Variants in TACC2 observed in about 807,000 individuals in gnomAD.
TACC2 encodes transforming acidic coiled-coil containing protein 2.
Under a neutral mutation model 227.3 loss-of-function variants are expected in TACC2, and 137 were observed. The ratio of observed to expected loss-of-function variants is 0.60; its 90% CI spans 0.52 to 0.69. The LOEUF is 0.69. Among genes scored for constraint, TACC2 ranks in the 30% least tolerant of loss-of-function variants. The pLI, the probability that TACC2 is intolerant of heterozygous loss-of-function variation, is 0.00. For synonymous variants in TACC2, 1,523 were observed against 1,487.5 expected (o/e 1.02, Z -0.55); for missense variants, 3,470 against 3,694.4 (o/e 0.94, Z 1.57).
chr10:122,172,216 C>T (rs1337019187), intron 7 of TACC2, among the ~76,000 whole-genome samples: 3 of 152,154 alleles, frequency 2.0e-5, no homozygotes, highest in South Asian at 2.1e-4. Context: ...TGTTTTGACT[C>T]GTGGTTACAG....
chr10:122,177,025 G>A (rs1291469540), intron 7 of TACC2, among the ~76,000 whole-genome samples: 1 of 152,154 alleles, frequency 6.6e-6, no homozygotes, highest in African/African-American at 2.4e-5. Context: ...CATCACAGTT[G>A]CCTGGAGCAG....
At chr10:122,056,143 T>C (rs936191099) in intron 3 of TACC2, among the ~76,000 whole-genome samples, 7 of 152,176 alleles carry the variant, frequency 4.6e-5, no homozygotes, top group African/African-American at 1.7e-4. Flanking sequence ...ATGCAGCAGG[T>C]TTGTGGTGAG....
chr10:122,159,406 C>A (rs906055330), intron 7 of TACC2, among the ~76,000 whole-genome samples: 4 of 152,230 alleles, frequency 2.6e-5, no homozygotes, highest in African/African-American at 9.6e-5. Context: ...TCTGTCCCTG[C>A]TCACATGTCC....
chr10:122,163,460 C>A, intron 7 of TACC2: 2 of 596,746 alleles, frequency 3.4e-6, no homozygotes, highest in Non-Finnish European at 4.2e-6. Flanking sequence ...GGGGCCGGGG[C>A]AGAGGGAGGG....
intron 22 of TACC2, among the ~76,000 whole-genome samples, chr10:122,252,705 C>G (rs2141997226): frequency 6.6e-6 from 1 of 152,204 alleles, no homozygotes; most frequent in African/African-American, 2.4e-5. Context: ...GTTGGCCAGG[C>G]TGGTCTTGAA....
intron 1 of TACC2, among the ~76,000 whole-genome samples, chr10:121,992,428 A>C (rs959067760): frequency 1.3e-5 from 2 of 152,244 alleles, no homozygotes; most frequent in Admixed American, 6.5e-5. Context: ...GACTTAAGTT[A>C]TTTGAGTGCA....
At chr10:122,172,861 C>T (rs936182585) in intron 7 of TACC2, among the ~76,000 whole-genome samples, 2 of 152,074 alleles carry the variant, frequency 1.3e-5, no homozygotes, top group African/African-American at 4.8e-5. Context: ...CAGGCTGTCC[C>T]TTTGGCATTC....
chr10:122,098,329 G>A (rs569259830), intron 5 of TACC2, among the ~76,000 whole-genome samples: 2 of 152,306 alleles, frequency 1.3e-5, no homozygotes, highest in African/African-American at 4.8e-5. Flanking sequence ...GCAGGGCATG[G>A]CTCTTGGTTA....
chr10:122,195,200 CA>C lies in TACC2; in HGVS notation c.5971+25del, dbSNP rs573837237. On this transcript the variant is annotated intron_variant, in intron 8 of 22. Coordinates refer to ENST00000369005, the MANE Select transcript of TACC2 (RefSeq NM_206862.4). ...AGGTAACCAAGGGCAGGGAGGCCCC[CA>C]GACAGCCCTGTAGAGTTGTGAGCCC... 144 of 1,595,966 alleles carry C rather than the reference CA, an allele frequency of 9.0e-5. 1 individual carries two copies. In the South Asian group the frequency reaches 1.6e-3, roughly 17 times the overall value.
chr10:122,195,870 G>T (rs2094551129), intron 8 of TACC2, among the ~76,000 whole-genome samples: 1 of 152,202 alleles, frequency 6.6e-6, no homozygotes, highest in Non-Finnish European at 1.5e-5. Flanking sequence ...GGTCCCACAG[G>T]CTGGCCAGGG....
At chr10:122,087,997 C>A in intron 4 of TACC2, 38 bp downstream of exon 4, 1 of 1,489,522 alleles carries the variant, frequency 6.7e-7, no homozygotes, top group South Asian at 1.5e-5. Flanking sequence ...AATGTGTGGT[C>A]AGTTTCAAAG....
At chr10:122,116,871 C>G (rs945467582) in intron 5 of TACC2, among the ~76,000 whole-genome samples, 1 of 151,982 alleles carries the variant, frequency 6.6e-6, no homozygotes, top group Non-Finnish European at 1.5e-5. Context: ...TTTTGTTCAT[C>G]CTACCTTGCT....
At chr10:122,217,951 T>G (rs2095444503) in intron 11 of TACC2, among the ~76,000 whole-genome samples, 1 of 152,132 alleles carries the variant, frequency 6.6e-6, no homozygotes, top group Non-Finnish European at 1.5e-5. Flanking sequence ...CAATTTATTT[T>G]ATTATTTTTT....
intron 3 of TACC2, among the ~76,000 whole-genome samples, chr10:122,059,993 C>A (rs1444034326): frequency 6.6e-6 from 1 of 152,078 alleles, no homozygotes; most frequent in African/African-American, 2.4e-5. Context: ...TTGAGAACCA[C>A]TGGATTAGAT....
chr10:122,247,436 A>G (rs1002449532), intron 19 of TACC2: 1 of 152,216 alleles, frequency 6.6e-6, no homozygotes, highest in African/African-American at 2.4e-5. Context: ...CTCTGCTGTC[A>G]CCAAGAGAGC....
At chr10:122,222,508 G>A (rs1429910064) in intron 11 of TACC2, among the ~76,000 whole-genome samples, 3 of 152,212 alleles carry the variant, frequency 2.0e-5, no homozygotes, top group African/African-American at 7.2e-5. Context: ...AAACACTAAT[G>A]TGGGTGTCAG....
At chr10:122,136,543 GTGTA>G (rs1428379185) in intron 6 of TACC2, among the ~76,000 whole-genome samples, 7,706 of 143,082 alleles carry the variant, frequency 0.054, 254 homozygotes, top group Admixed American at 0.092. Context: ...TTGTGTGTGT[GTGTA>G]TATATATATA....
At position 122,083,690 on chromosome 10, in the gene TACC2, C is replaced by T; in HGVS notation, c.1190C>T (p.Pro397Leu). 6.2e-7 allele frequency: 1 copy of T among 1,612,936 alleles called. No homozygotes were observed. The highest frequency in any genetic ancestry group is 8.5e-7 in the Non-Finnish European group (1 of 1,180,038). Residue 397 changes from proline (P) to leucine (L), a missense_variant, in exon 4 of 23, where the codon CCC (proline) becomes CTC (leucine). Transcript: ENST00000369005. ...GTCTGTGTGGCAGCAGGCGGCCAGC[C>T]CGAAGGGGGTTTGCCTGTGAGCCCT... is the stretch of plus-strand genomic sequence containing the variant. ...QVVCVAAGGQ[P>L]EGGLPVSPEP...
At chr10:122,162,946 T>A (rs991234258) in intron 7 of TACC2, among the ~76,000 whole-genome samples, 1 of 152,082 alleles carries the variant, frequency 6.6e-6, no homozygotes, top group African/African-American at 2.4e-5. Flanking sequence ...GGCTTGGCTT[T>A]GTGGAGCTCA....
Sources: allele counts gnomAD v4.1 joint callset (sites outside exome capture counted in the v4.1 genomes callset), GRCh38; gene constraint gnomAD v4.1.1; transcripts MANE v1.5; gene names NCBI Gene and HGNC (gene_info 2026-07-23, HGNC 2026-07-21).